Variants in PARD3B observed in about 807,000 individuals in gnomAD.
PARD3B encodes par-3 family cell polarity regulator beta.
In PARD3B, 103 loss-of-function variants were observed where a neutral mutation model predicts 130.2. The ratio of observed to expected loss-of-function variants is 0.79; its 90% confidence interval spans 0.67 to 0.93. PARD3B has a LOEUF of 0.93. Ranked by LOEUF, PARD3B falls within the 40% of genes least tolerant of loss-of-function variation. The pLI, the probability that PARD3B is intolerant of heterozygous loss-of-function variation, is 0.00. For missense variants in PARD3B, 1,609 were observed against 1,499.2 expected, an observed-to-expected ratio of 1.07 and a Z score of -1.21; for synonymous variants, 583 against 553.2, an observed-to-expected ratio of 1.05 and a Z score of -0.76.
intron 2 of PARD3B, among the ~76,000 whole-genome samples, chr2:204,852,626 G>A (rs1275088129): frequency 6.6e-6 from 1 of 150,522 alleles, no homozygotes; most frequent in Non-Finnish European, 1.5e-5. Context: ...AAGAGGCTGA[G>A]GCGTTGTGCC....
chr2:205,581,257 T>TAGAGATATAG, intron 22 of PARD3B, among the ~76,000 whole-genome samples: 1 of 120,916 alleles, frequency 8.3e-6, no homozygotes, highest in East Asian at 2.2e-4. Context: ...TATAGATATA[T>TAGAGATATAG]ATAGATATAG....
chr2:204,974,889 A>C (rs533331993), intron 3 of PARD3B, among the ~76,000 whole-genome samples: 10 of 152,344 alleles, frequency 6.6e-5, no homozygotes, highest in African/African-American at 2.4e-4. Flanking sequence ...CCAGTAGATT[A>C]AAAGCATTGT....
intron 3 of PARD3B, among the ~76,000 whole-genome samples, chr2:205,014,785 G>A (rs906140901): frequency 1.3e-5 from 2 of 152,132 alleles, no homozygotes; most frequent in Admixed American, 1.3e-4. Context: ...TGCCACAAAG[G>A]CAAGAGTATT....
intron 2 of PARD3B, among the ~76,000 whole-genome samples, chr2:204,723,527 A>G (rs1387210651): frequency 1.3e-5 from 2 of 152,180 alleles, no homozygotes; most frequent in East Asian, 3.9e-4. Context: ...TCAATTTCTT[A>G]ATGCTTTATT....
At chr2:204,561,840 A>G (rs1187483414) in intron 1 of PARD3B, among the ~76,000 whole-genome samples, 1 of 151,910 alleles carries the variant, frequency 6.6e-6, no homozygotes, top group African/African-American at 2.4e-5. Context: ...CAGGTGATCC[A>G]CCAGCCTCGG....
rs931390673 is a variant in PARD3B at position 204,592,958 on chromosome 2, T to C, written c.120+46839T>C. Among the ~76,000 whole-genome samples the C allele has an allele frequency of 2.6e-5, 4 of 152,258 alleles. No individual in the cohort carries two copies. In the East Asian group the frequency reaches 7.7e-4, roughly 29 times the overall value. On this transcript the variant is annotated intron_variant, in intron 1 of 22. Coordinates refer to ENST00000406610, the MANE Select transcript of PARD3B (RefSeq NM_001302769.2). Reference sequence around the variant, plus strand: ...AACCATGTTGTAGCATGTGTCAGTATTTATTCCCTTTTATGGCTGAATAAA... The same window carrying C: ...AACCATGTTGTAGCATGTGTCAGTACTTATTCCCTTTTATGGCTGAATAAA...
intron 1 of PARD3B, among the ~76,000 whole-genome samples, chr2:204,639,934 G>C (rs2035014904): frequency 6.6e-6 from 1 of 152,158 alleles, no homozygotes; most frequent in Non-Finnish European, 1.5e-5. Context: ...CTCACACCAA[G>C]TTGTGTATCT....
At chr2:204,977,278 C>T (rs1214464337) in intron 3 of PARD3B, among the ~76,000 whole-genome samples, 2 of 152,110 alleles carry the variant, frequency 1.3e-5, no homozygotes, top group African/African-American at 2.4e-5. Context: ...GCATATGGTT[C>T]ACAAGAATTT....
Position 204,784,454 on chromosome 2 carries a change from C to T in PARD3B, c.222+98172C>T, listed in dbSNP as rs140726117. Among the ~76,000 whole-genome samples, 20 of 152,276 alleles carry T rather than the reference C, an allele frequency of 1.3e-4. No individual in the cohort carries two copies. In the East Asian group the frequency reaches 3.7e-3, roughly 28 times the overall value. On this transcript the variant is annotated intron_variant, in intron 2 of 22. Transcript: ENST00000406610. Reference sequence around the variant, plus strand: ...TTGCATGCTTAAAGGACAAACTATACCCTTCTGGTATACAAATAGTATACA... The same window carrying T: ...TTGCATGCTTAAAGGACAAACTATATCCTTCTGGTATACAAATAGTATACA...
chr2:205,527,144 A>T (rs566631429), intron 21 of PARD3B, among the ~76,000 whole-genome samples: 137 of 152,292 alleles, frequency 9.0e-4, no homozygotes, highest in African/African-American at 3.1e-3. Flanking sequence ...TTCATTTCTT[A>T]TTGTTAAATA....
chr2:205,054,436 ATTTTTTT>A lies in PARD3B; in HGVS notation c.504+6761_504+6767del, dbSNP rs769918623. 2.8e-3 allele frequency among the ~76,000 whole-genome samples: 79 copies of A among 28,420 alleles called. 1 individual carries two copies. The highest frequency in any genetic ancestry group is 3.3e-3 in the African/African-American group (22 of 6,670). 18.6% of individuals were successfully genotyped at this position (28,420 alleles called of 152,430 possible). On this transcript the variant is annotated intron_variant, in intron 4 of 22. Transcript: ENST00000406610. Reference sequence around the variant, plus strand: ...TATATATATATATATATATATATATATTTTTTTTTTTTTTTTTTTTTAATTATACTCT... The same window carrying A: ...TATATATATATATATATATATATATATTTTTTTTTTTTTTAATTATACTCT...
intron 1 of PARD3B, among the ~76,000 whole-genome samples, chr2:204,651,846 C>T (rs2035489797): frequency 6.6e-6 from 1 of 152,212 alleles, no homozygotes; most frequent in African/African-American, 2.4e-5. Flanking sequence ...TGCACACCCA[C>T]AGGCCAAACA....
chr2:205,597,244 T>G (rs1200217532), intron 22 of PARD3B, among the ~76,000 whole-genome samples: 1 of 152,180 alleles, frequency 6.6e-6, no homozygotes, highest in Non-Finnish European at 1.5e-5. Flanking sequence ...TACTCAATGT[T>G]TAGCTCCCAC....
At chr2:205,093,190 C>T (rs1043959535) in intron 4 of PARD3B, among the ~76,000 whole-genome samples, 7 of 152,010 alleles carry the variant, frequency 4.6e-5, no homozygotes, top group African/African-American at 9.7e-5. Context: ...ATACTCCAGA[C>T]GTCATAAATA....
intron 22 of PARD3B, among the ~76,000 whole-genome samples, chr2:205,567,732 G>A (rs950989070): frequency 4.6e-5 from 7 of 151,750 alleles, no homozygotes; most frequent in African/African-American, 1.5e-4. Flanking sequence ...GTCCTAGGCA[G>A]GGCTTCTCCC....
chr2:205,139,035 C>T (rs766168237), intron 10 of PARD3B, among the ~76,000 whole-genome samples: 4 of 152,148 alleles, frequency 2.6e-5, no homozygotes, highest in Non-Finnish European at 4.4e-5. Context: ...TTGGAGGTTT[C>T]AGTGTATTCT....
At chr2:205,099,942 G>T (rs1267040199) in intron 4 of PARD3B, among the ~76,000 whole-genome samples, 1 of 152,136 alleles carries the variant, frequency 6.6e-6, no homozygotes, top group East Asian at 1.9e-4. Context: ...TTTAAAGTCT[G>T]TAGTCATTGA....
chr2:204,923,142 T>G lies in PARD3B; in HGVS notation c.223-42010T>G, dbSNP rs555099476. Among the ~76,000 whole-genome samples the G allele has an allele frequency of 2.4e-4, 37 of 152,234 alleles. 1 individual carries two copies. The highest frequency in any genetic ancestry group is 1.0e-3 in the Admixed American group (16 of 15,270). ...TTGTAAAAATTATTCAACCCATTAT[T>G]AATTATATCAAGTGCTGAGACGAGA... is the stretch of plus-strand genomic sequence containing the variant. On this transcript the variant is annotated intron_variant, in intron 2 of 22. Transcript: ENST00000406610.
At chr2:205,171,622 G>A (rs1026371377) in intron 11 of PARD3B, among the ~76,000 whole-genome samples, 6 of 152,162 alleles carry the variant, frequency 3.9e-5, no homozygotes, top group Admixed American at 1.3e-4. Context: ...ATATCAGGGC[G>A]AACTGGCCCT....
Sources: allele counts gnomAD v4.1 joint callset (sites outside exome capture counted in the v4.1 genomes callset), GRCh38; gene constraint gnomAD v4.1.1; transcripts MANE v1.5; gene names NCBI Gene and HGNC (gene_info 2026-07-23, HGNC 2026-07-21).